Variants in NR2F1-AS1 observed in about 807,000 individuals in gnomAD.
NR2F1-AS1 encodes the protein NR2F1 regulatory antisense RNA 1.
chr5:93,458,761 G>A (rs1339960289), intron 4 of NR2F1-AS1, among the ~76,000 whole-genome samples: 7 of 152,154 alleles, frequency 4.6e-5, no homozygotes, highest in Non-Finnish European at 1.0e-4. Context: ...TGTAATCCCA[G>A]TACTTTGGGA....
chr5:93,434,929 G>C (rs367587299), intron 4 of NR2F1-AS1, among the ~76,000 whole-genome samples: 37 of 152,258 alleles, frequency 2.4e-4, no homozygotes, highest in Admixed American at 4.6e-4. Context: ...ATATTGGTTT[G>C]TCCAATTATT....
At chr5:93,470,778 CAT>C (rs1750349639) in intron 4 of NR2F1-AS1, among the ~76,000 whole-genome samples, 1 of 151,728 alleles carries the variant, frequency 6.6e-6, no homozygotes, top group South Asian at 2.1e-4. Flanking sequence ...ATCATGTTAG[CAT>C]ATTTTTACTA....
chr5:93,450,278 T>C (rs994259260), intron 4 of NR2F1-AS1, among the ~76,000 whole-genome samples: 1 of 152,234 alleles, frequency 6.6e-6, no homozygotes, highest in African/African-American at 2.4e-5. Context: ...ATTTATTTCA[T>C]GTGTTGCTTC....
chr5:93,487,940 C>A (rs1470812500), intron 4 of NR2F1-AS1, among the ~76,000 whole-genome samples: 1 of 152,088 alleles, frequency 6.6e-6, no homozygotes, highest in Non-Finnish European at 1.5e-5. Flanking sequence ...TAAGACCACA[C>A]ATCTACAACC....
intron 4 of NR2F1-AS1, among the ~76,000 whole-genome samples, chr5:93,525,444 C>T (rs555786912): frequency 3.9e-5 from 6 of 152,242 alleles, no homozygotes; most frequent in South Asian, 2.1e-4. Context: ...CAATATTAGA[C>T]GGATCAACAA....
At chr5:93,488,935 C>T (rs992860277) in intron 4 of NR2F1-AS1, among the ~76,000 whole-genome samples, 1 of 152,158 alleles carries the variant, frequency 6.6e-6, no homozygotes, top group Admixed American at 6.5e-5. Context: ...AGGATGAGTT[C>T]ATGTCCTTTG....
At chr5:93,584,669 C>G (rs1237288770), upstream of NR2F1-AS1, 2 of 71,356 alleles carry the variant, frequency 2.8e-5, no homozygotes, top group East Asian at 8.9e-4. Context: ...GAACGGAGCG[C>G]GGGGGGAGCG....
intron 4 of NR2F1-AS1, among the ~76,000 whole-genome samples, chr5:93,448,489 T>C (rs1452073590): frequency 6.6e-6 from 1 of 152,208 alleles, no homozygotes; most frequent in African/African-American, 2.4e-5. Context: ...TGTGAGTGGA[T>C]ATAGCCAAAA....
At chr5:93,454,597 C>T (rs779776039) in intron 4 of NR2F1-AS1, among the ~76,000 whole-genome samples, 1 of 152,156 alleles carries the variant, frequency 6.6e-6, no homozygotes, top group East Asian at 1.9e-4. Context: ...CGAGGTAACT[C>T]TTGGCGGGCT....
At chr5:93,500,171 C>G (rs893021626) in intron 4 of NR2F1-AS1, among the ~76,000 whole-genome samples, 1 of 152,198 alleles carries the variant, frequency 6.6e-6, no homozygotes, top group African/African-American at 2.4e-5. Context: ...GATGAAACAG[C>G]CTTCGGTTGA....
At chr5:93,548,162 G>A (rs1294118864) in intron 4 of NR2F1-AS1, among the ~76,000 whole-genome samples, 2 of 151,990 alleles carry the variant, frequency 1.3e-5, no homozygotes, top group Admixed American at 1.3e-4. Flanking sequence ...CTCAATGACT[G>A]TCCTATTACT....
At chr5:93,495,021 G>A (rs1580275769) in intron 4 of NR2F1-AS1, among the ~76,000 whole-genome samples, 1 of 152,106 alleles carries the variant, frequency 6.6e-6, no homozygotes, top group East Asian at 1.9e-4. Context: ...CAGATTAGCA[G>A]ATAACAAACA....
chr5:93,506,549 C>T (rs1235339144), intron 4 of NR2F1-AS1, among the ~76,000 whole-genome samples: 1 of 152,158 alleles, frequency 6.6e-6, no homozygotes, highest in Non-Finnish European at 1.5e-5. Flanking sequence ...ACTGGGGAGG[C>T]CTCAGAATCA....
intron 4 of NR2F1-AS1, among the ~76,000 whole-genome samples, chr5:93,447,409 C>A (rs1470247678): frequency 6.6e-6 from 1 of 152,222 alleles, no homozygotes; most frequent in Non-Finnish European, 1.5e-5. Context: ...GGAACAGACA[C>A]TTCTCAAAAG....
intron 4 of NR2F1-AS1, among the ~76,000 whole-genome samples, chr5:93,476,012 T>C (rs1392064555): frequency 1.3e-5 from 2 of 152,218 alleles, no homozygotes; most frequent in Non-Finnish European, 2.9e-5. Flanking sequence ...GCTATTTTTA[T>C]GTTGTGCCAA....
At chr5:93,466,297 A>C (rs941616353) in intron 4 of NR2F1-AS1, among the ~76,000 whole-genome samples, 1 of 151,112 alleles carries the variant, frequency 6.6e-6, no homozygotes, top group African/African-American at 2.4e-5. Flanking sequence ...CCACTGCCAT[A>C]ATTTTTTTAA....
chr5:93,560,534 C>T (rs1490270892), intron 2 of NR2F1-AS1, among the ~76,000 whole-genome samples: 1 of 152,164 alleles, frequency 6.6e-6, no homozygotes, highest in African/African-American at 2.4e-5. Context: ...AATTTGTAAG[C>T]TTTAGCCAGT....
intron 1 of NR2F1-AS1, among the ~76,000 whole-genome samples, chr5:93,566,872 T>C (rs888175209): frequency 2.6e-5 from 4 of 152,024 alleles, no homozygotes; most frequent in African/African-American, 9.7e-5. Context: ...TTAAAGTAGA[T>C]ATGTTAAAAC....
chr5:93,414,691 G>A (rs1450359060), intron 4 of NR2F1-AS1, among the ~76,000 whole-genome samples: 1 of 152,154 alleles, frequency 6.6e-6, no homozygotes. Context: ...TCTACCTGGT[G>A]TTCTCCTGCC....
Sources: gnomAD v4.1 joint callset for allele counts (sites outside exome capture counted in the v4.1 genomes callset) on GRCh38, gnomAD v4.1.1 for gene constraint, MANE v1.5 for transcripts, NCBI Gene and HGNC (gene_info 2026-07-23, HGNC 2026-07-21) for gene names.